Variants in FHL5 observed in about 807,000 individuals in gnomAD.
FHL5 encodes four and a half LIM domains 5.
FHL5 carries 33 observed loss-of-function variants against 32.0 expected under a neutral mutation model. The ratio of observed to expected loss-of-function variants is 1.03; its 90% CI spans 0.78 to 1.38. The LOEUF is 1.38. Ranked by LOEUF, FHL5 falls within the 40% of genes most tolerant of loss-of-function variation. FHL5 has a pLI of 0.00. For missense variants in FHL5, 336 were observed against 343.9 expected (o/e 0.98, Z 0.18); for synonymous variants, 114 against 113.6 (o/e 1.00, Z -0.02).
At position 96,604,863 on chromosome 6, in the gene FHL5, G is replaced by A. The variant is rs973572111; in HGVS notation, c.273G>A (p.Thr91=). 17 of 1,613,676 alleles carry A rather than the reference G, an allele frequency of 1.1e-5. No individual in the cohort carries two copies. Among genetic ancestry groups the A allele is most frequent in the South Asian group, 3.3e-5 (3 of 90,996 alleles). Residue 91 remains threonine, a synonymous_variant, in exon 3 of 6, where the codon ACG becomes ACA. Transcript: ENST00000450218. ...FAAKDERLLC[T]ECYSNECSSK... ...CCAAGGATGAGCGCCTGCTGTGCACGGAGTGCTATTCTAACGAGTGCTCCT... is the reference window on the plus strand; with the variant it reads ...CCAAGGATGAGCGCCTGCTGTGCACAGAGTGCTATTCTAACGAGTGCTCCT...
At chr6:96,595,319 A>C (rs1197036872) in intron 1 of FHL5, among the ~76,000 whole-genome samples, 1 of 151,660 alleles carries the variant, frequency 6.6e-6, no homozygotes. Context: ...GCTGTTTAGA[A>C]GTTATCTGCA....
intron 1 of FHL5, among the ~76,000 whole-genome samples, chr6:96,594,036 C>T (rs1422198090): frequency 6.6e-6 from 1 of 151,204 alleles, no homozygotes; most frequent in Admixed American, 6.6e-5. Flanking sequence ...TTTACTTTTG[C>T]TTTTTTCAGT....
At chr6:96,586,094 C>G (rs1421971860) in intron 1 of FHL5, among the ~76,000 whole-genome samples, 1 of 152,180 alleles carries the variant, frequency 6.6e-6, no homozygotes, top group Non-Finnish European at 1.5e-5. Flanking sequence ...AATGGTCTTC[C>G]TCACAATTCA....
intron 1 of FHL5, among the ~76,000 whole-genome samples, chr6:96,593,103 A>T (rs1770956851): frequency 6.6e-6 from 1 of 151,858 alleles, no homozygotes; most frequent in South Asian, 2.1e-4. Context: ...TTTTCATTTC[A>T]TACAATCTTT....
intron 1 of FHL5, among the ~76,000 whole-genome samples, chr6:96,592,433 T>A (rs1770941269): frequency 6.6e-6 from 1 of 152,224 alleles, no homozygotes; most frequent in South Asian, 2.1e-4. Flanking sequence ...ATTGCTGTTA[T>A]CCTGTTCTTA....
intron 1 of FHL5, among the ~76,000 whole-genome samples, chr6:96,579,931 G>T (rs1407682081): frequency 6.6e-6 from 1 of 152,172 alleles, no homozygotes; most frequent in Admixed American, 6.5e-5. Flanking sequence ...TCTAAAGTCT[G>T]TAGGGACCAC....
At chr6:96,602,727 T>G (rs1367329664) in intron 1 of FHL5, among the ~76,000 whole-genome samples, 2 of 152,188 alleles carry the variant, frequency 1.3e-5, no homozygotes, top group Non-Finnish European at 2.9e-5. Flanking sequence ...ATTCTAGCTA[T>G]TTTATCCATA....
In FHL5 at chr6:96,617,251, A is replaced by G. The variant is rs1329675254; in HGVS notation, c.*1479A>G. ...GGAGTAGAGGGAGGTCAGGAGAAGA[A>G]GCCCACATAGATATATAACTGTCTT... On this transcript the variant is annotated 3_prime_UTR_variant, in exon 6 of 6. Coordinates refer to ENST00000450218, the MANE Select transcript of FHL5 (RefSeq NM_001322466.2). Among the ~76,000 whole-genome samples, 1 of 152,206 alleles carries G rather than the reference A, an allele frequency of 6.6e-6. No homozygotes were observed. Among genetic ancestry groups the G allele is most frequent in the Non-Finnish European group, 1.5e-5 (1 of 68,034 alleles).
At chr6:96,604,700 C>G (rs1215649412) in intron 2 of FHL5, 50 bp from the exon 3 acceptor site, 10 of 1,462,866 alleles carry the variant, frequency 6.8e-6, no homozygotes, top group Non-Finnish European at 9.4e-6. Context: ...CATAAAATGG[C>G]CTGTATTGTC....
chr6:96,586,655 C>A (rs888308526), intron 1 of FHL5, among the ~76,000 whole-genome samples: 15 of 152,150 alleles, frequency 9.9e-5, no homozygotes, highest in African/African-American at 3.6e-4. Flanking sequence ...ATGAAGCCTG[C>A]AGCAGCAAAC....
In FHL5 at chr6:96,603,461, T is replaced by C. The variant is rs938104922; in HGVS notation, c.-12-141T>C. The C allele has an allele frequency of 8.2e-6, 5 of 607,104 alleles. No homozygotes were observed. The East Asian group carries it at 1.2e-4, about 15-fold the overall frequency. The allele number at this position is 607,104 out of a possible 1,614,324, so 37.6% of individuals were successfully genotyped here. ...CCAAATGTCACCATGACTATAAGCA[T>C]ACTTTCCTAAATTGGGGGATTTTTG... On this transcript the variant is annotated intron_variant, in intron 1 of 5. Coordinates refer to ENST00000450218, the MANE Select transcript of FHL5 (RefSeq NM_001322466.2).
chr6:96,589,436 G>A (rs1049969444), intron 1 of FHL5, among the ~76,000 whole-genome samples: 2 of 152,000 alleles, frequency 1.3e-5, no homozygotes, highest in African/African-American at 2.4e-5. Context: ...ATCTTTCAGT[G>A]GTTGTTAATG....
At chr6:96,599,867 C>T (rs1338027539) in intron 1 of FHL5, among the ~76,000 whole-genome samples, 1 of 152,168 alleles carries the variant, frequency 6.6e-6, no homozygotes, top group Non-Finnish European at 1.5e-5. Context: ...ATAAGAACAG[C>T]TTTGCTCAAG....
At chr6:96,579,289 A>G (rs1309115548) in intron 1 of FHL5, among the ~76,000 whole-genome samples, 1 of 152,144 alleles carries the variant, frequency 6.6e-6, no homozygotes, top group East Asian at 1.9e-4. Flanking sequence ...TTTTGATGTC[A>G]GTTGATAGGA....
intron 1 of FHL5, among the ~76,000 whole-genome samples, chr6:96,601,723 A>G (rs764553241): frequency 3.3e-5 from 5 of 152,240 alleles, no homozygotes; most frequent in Admixed American, 6.5e-5. Flanking sequence ...CGTTTTCCAT[A>G]TTAAGTGAAG....
At chr6:96,574,316 G>C (rs1276252892) in intron 1 of FHL5, among the ~76,000 whole-genome samples, 1 of 152,128 alleles carries the variant, frequency 6.6e-6, no homozygotes, top group Non-Finnish European at 1.5e-5. Context: ...CTTGAGATTA[G>C]GGATCAGCAA....
chr6:96,601,120 G>C (rs757668758), intron 1 of FHL5, among the ~76,000 whole-genome samples: 15 of 152,158 alleles, frequency 9.9e-5, no homozygotes, highest in Non-Finnish European at 1.5e-4. Context: ...CGGATCTTGA[G>C]GTCAGGAGAT....
intron 1 of FHL5, among the ~76,000 whole-genome samples, chr6:96,592,520 G>A (rs1321915658): frequency 6.6e-6 from 1 of 152,046 alleles, no homozygotes; most frequent in African/African-American, 2.4e-5. Context: ...TCATCACAGG[G>A]TCCTGAGGCA....
intron 1 of FHL5, among the ~76,000 whole-genome samples, chr6:96,586,542 A>G (rs1160252749): frequency 1.3e-5 from 2 of 152,210 alleles, no homozygotes; most frequent in Non-Finnish European, 2.9e-5. Flanking sequence ...AGAAAGGTGA[A>G]CTAATTTATA....
Sources: allele counts gnomAD v4.1 joint callset (sites outside exome capture counted in the v4.1 genomes callset), GRCh38; gene constraint gnomAD v4.1.1; transcripts MANE v1.5; gene names NCBI Gene and HGNC (gene_info 2026-07-23, HGNC 2026-07-21).